The following ARHGAP21 variants were observed in gnomAD, a reference collection of about 807,000 sequenced individuals.
The protein encoded by ARHGAP21 is Rho GTPase activating protein 21.
ARHGAP21 carries 38 observed loss-of-function variants against 164.6 expected under a neutral mutation model. The ratio of observed to expected loss-of-function variants is 0.23; its 90% CI spans 0.18 to 0.30. The LOEUF (loss-of-function observed/expected upper bound fraction) is 0.30, where lower values mean the gene tolerates loss of function less well. Ranked by LOEUF, ARHGAP21 falls within the 10% of genes least tolerant of loss-of-function variation. The probability of loss-of-function intolerance (pLI) is 1.00; values close to 1 mark genes in which losing one functional copy is unlikely to be tolerated. For missense variants in ARHGAP21, 1,822 were observed against 2,370.7 expected, an observed-to-expected ratio of 0.77 and a Z score of 4.81; for synonymous variants, 766 against 857.9, an observed-to-expected ratio of 0.89 and a Z score of 1.87.
chr10:24,656,875 G>A (rs1593190510), intron 4 of ARHGAP21, among the ~76,000 whole-genome samples: 1 of 42,190 alleles, frequency 2.4e-5, no homozygotes, highest in Admixed American at 1.9e-4. Flanking sequence ...CAGCCGCCCC[G>A]TCCGGGAGGG....
At chr10:24,710,780 C>A (rs182516618) in intron 2 of ARHGAP21, among the ~76,000 whole-genome samples, 178 of 152,262 alleles carry the variant, frequency 1.2e-3, no homozygotes, top group Non-Finnish European at 1.1e-3. Flanking sequence ...AGGCAAAACA[C>A]AAGTTGCTTC....
chr10:24,595,240 T>C (rs201178575), intron 19 of ARHGAP21, 50 bp from the exon 20 acceptor site: 24 of 1,447,638 alleles, frequency 1.7e-5, no homozygotes, highest in Middle Eastern at 1.8e-4. Context: ...CCTAGGTGAA[T>C]TGTAATCTAG....
At chr10:24,602,255 GTC>G (rs2076843788) in intron 12 of ARHGAP21, 152 bp from the exon 13 acceptor site, 1 of 832,990 alleles carries the variant, frequency 1.2e-6, no homozygotes, top group African/African-American at 1.8e-5. Context: ...AAAATTTCTA[GTC>G]TCATTTAAAA....
At chr10:24,672,021 C>T (rs1840756723) in intron 2 of ARHGAP21, among the ~76,000 whole-genome samples, 1 of 151,110 alleles carries the variant, frequency 6.6e-6, no homozygotes, top group Non-Finnish European at 1.5e-5. Context: ...TGAGCCACCA[C>T]ACTTGGCCAA....
In ARHGAP21 at chr10:24,633,419, A is replaced by G. The variant is rs756852056; in HGVS notation, c.423T>C (p.Ile141=). The change falls in exon 6 of 26, where the codon ATT becomes ATC. Residue 141 remains isoleucine, a synonymous_variant. Coordinates refer to ENST00000396432, the MANE Select transcript of ARHGAP21 (RefSeq NM_020824.4). ...SVIGKTYSQV[I]ALIQNSDTTL... ...ACTCTTACCTGTTTTGAATTAAAGCAATTACTTGGGAATAGGTTTTGCCAA... is the reference window on the plus strand; with the variant it reads ...ACTCTTACCTGTTTTGAATTAAAGCGATTACTTGGGAATAGGTTTTGCCAA... 7 of 1,610,064 alleles carry G rather than the reference A, an allele frequency of 4.3e-6. No homozygotes were observed.
intron 21 of ARHGAP21, among the ~76,000 whole-genome samples, chr10:24,594,237 T>TAATC (rs2130811333): frequency 6.6e-6 from 1 of 152,242 alleles, no homozygotes; most frequent in East Asian, 1.9e-4. Context: ...ATTTAGGCAA[T>TAATC]AATCATCAAA....
chr10:24,628,534 CAA>C (rs907196780), intron 7 of ARHGAP21, among the ~76,000 whole-genome samples: 1 of 151,868 alleles, frequency 6.6e-6, no homozygotes, highest in Admixed American at 6.6e-5. Flanking sequence ...ATTACCACGA[CAA>C]AGAGTCCATC....
At chr10:24,614,804 C>T (rs1316475432) in intron 9 of ARHGAP21, among the ~76,000 whole-genome samples, 2 of 147,392 alleles carry the variant, frequency 1.4e-5, no homozygotes, top group Non-Finnish European at 3.0e-5. Context: ...AAAAATGCGG[C>T]TAGGTTTTAA....
intron 14 of ARHGAP21, 26 bp downstream of exon 14, chr10:24,600,620 T>C (rs756006950): frequency 6.2e-7 from 1 of 1,603,854 alleles, no homozygotes; most frequent in Non-Finnish European, 8.5e-7. Context: ...GGGTCAGATT[T>C]CTCCAGCATT....
chr10:24,688,772 C>T (rs968754205), intron 2 of ARHGAP21, among the ~76,000 whole-genome samples: 1 of 152,088 alleles, frequency 6.6e-6, no homozygotes, highest in Non-Finnish European at 1.5e-5. Flanking sequence ...AGTTAAGCTC[C>T]GTCCTAAAAG....
At chr10:24,636,869 A>C (rs1326424742) in intron 4 of ARHGAP21, among the ~76,000 whole-genome samples, 1 of 152,160 alleles carries the variant, frequency 6.6e-6, no homozygotes, top group African/African-American at 2.4e-5. Context: ...CTTACAACCC[A>C]CTACCTAAAA....
At position 24,611,320 on chromosome 10, in the gene ARHGAP21, A is replaced by T. The variant is rs112203734; in HGVS notation, c.2423-3417T>A. Among the ~76,000 whole-genome samples, 225 of 152,370 alleles carry T rather than the reference A, an allele frequency of 1.5e-3. 3 individuals carry two copies. Among genetic ancestry groups the T allele is most frequent in the African/African-American group, 5.2e-3 (216 of 41,598 alleles). The stretch of plus-strand genomic sequence containing the variant: ...CTTATCCTTGGAGAACAAAAACTGT[A>T]GAAATCAGTAAACTGTTGAGTTGTC... On this transcript the variant is annotated intron_variant, in intron 9 of 25. Coordinates refer to ENST00000396432, the MANE Select transcript of ARHGAP21 (RefSeq NM_020824.4).
At chr10:24,636,653 A>T (rs1312443091) in intron 4 of ARHGAP21, among the ~76,000 whole-genome samples, 1 of 152,208 alleles carries the variant, frequency 6.6e-6, no homozygotes, top group Admixed American at 6.5e-5. Context: ...AAGTTACTTA[A>T]TAAAGGAATA....
chr10:24,713,221 A>G (rs6482417), intron 2 of ARHGAP21, among the ~76,000 whole-genome samples: 119,060 of 152,086 alleles, frequency 0.78, 46,654 homozygotes, highest in Middle Eastern at 0.84. Flanking sequence ...CTTAGGTTGT[A>G]CGAAGGGCAA....
At chr10:24,613,943 A>G (rs2077368757) in intron 9 of ARHGAP21, among the ~76,000 whole-genome samples, 1 of 152,176 alleles carries the variant, frequency 6.6e-6, no homozygotes, top group Non-Finnish European at 1.5e-5. Context: ...CTGAACTCTT[A>G]AGATCTGGGG....
intron 4 of ARHGAP21, among the ~76,000 whole-genome samples, chr10:24,660,094 A>G (rs1444166212): frequency 6.6e-6 from 1 of 152,096 alleles, no homozygotes. Context: ...ACTTCCTAAA[A>G]TATCCTCAAG....
chr10:24,591,301 G>A lies in ARHGAP21; in HGVS notation c.4074C>T (p.Asp1358=), dbSNP rs761849514. ...GATCTATGTTTGGCACTGGCTGGGA[G>A]TCTACTGTGCTTTCCTCCTGCACTG... ...LTTVQEESTV[D]SQPVPNIDHL... is the part of the protein sequence containing the mutation. The change falls in exon 24 of 26, where the codon GAC becomes GAT. Residue 1358 remains aspartate (D), a synonymous_variant. Transcript: ENST00000396432. The A allele has an allele frequency of 5.6e-6, 9 of 1,613,206 alleles. No homozygotes were observed. The Admixed American group carries it at 1.2e-4, about 21-fold the overall frequency.
chr10:24,677,210 A>C (rs1470630676), intron 2 of ARHGAP21, among the ~76,000 whole-genome samples: 1 of 152,096 alleles, frequency 6.6e-6, no homozygotes, highest in African/African-American at 2.4e-5. Flanking sequence ...ACAGAGCGAG[A>C]CTCCGACTCT....
chr10:24,693,359 G>C (rs1337089757), intron 2 of ARHGAP21, among the ~76,000 whole-genome samples: 2 of 150,084 alleles, frequency 1.3e-5, no homozygotes, highest in Non-Finnish European at 3.0e-5. Context: ...TTTTGAGACA[G>C]AGTTTTGCTC....
Sources: gnomAD v4.1 joint callset for allele counts (sites outside exome capture counted in the v4.1 genomes callset) on GRCh38, gnomAD v4.1.1 for gene constraint, MANE v1.5 for transcripts, NCBI Gene and HGNC (gene_info 2026-07-23, HGNC 2026-07-21) for gene names.